The following FSHR variants were observed in gnomAD, a reference collection of about 807,000 sequenced individuals.
The protein encoded by FSHR is follicle stimulating hormone receptor.
In FSHR, 46 loss-of-function variants were observed where a neutral mutation model predicts 52.1. That is an observed-to-expected ratio of 0.88 (90% CI 0.70 to 1.13). FSHR has a LOEUF of 1.13. Ranked by LOEUF, FSHR falls within the 50% of genes most tolerant of loss-of-function variation. FSHR has a pLI of 0.00. For missense variants in FSHR, 964 were observed against 834.6 expected, an observed-to-expected ratio of 1.16 and a Z score of -1.91; for synonymous variants, 399 against 309.6, an observed-to-expected ratio of 1.29 and a Z score of -3.03.
intron 1 of FSHR, among the ~76,000 whole-genome samples, chr2:49,102,992 T>G (rs1431864794): frequency 6.6e-6 from 1 of 152,138 alleles, no homozygotes; most frequent in Admixed American, 6.6e-5. Flanking sequence ...ACTTTTTAGA[T>G]AGACATTTTT....
intron 1 of FSHR, among the ~76,000 whole-genome samples, chr2:49,136,193 C>T (rs1672482071): frequency 1.3e-5 from 2 of 152,136 alleles, no homozygotes; most frequent in Middle Eastern, 6.8e-3. Flanking sequence ...TATTACTACT[C>T]ACCTTAAAGA....
intron 3 of FSHR, among the ~76,000 whole-genome samples, chr2:49,017,951 GTGTT>G (rs1667548955): frequency 1.3e-5 from 2 of 151,988 alleles, no homozygotes; most frequent in African/African-American, 4.8e-5. Flanking sequence ...GGCGAAATGA[GTGTT>G]TGTCTGGTCG....
At chr2:49,144,956 C>G (rs977801627) in intron 1 of FSHR, among the ~76,000 whole-genome samples, 10 of 152,092 alleles carry the variant, frequency 6.6e-5, no homozygotes, top group African/African-American at 2.4e-4. Flanking sequence ...CCCCCTCATG[C>G]CAAAGCAAAA....
intron 4 of FSHR, among the ~76,000 whole-genome samples, chr2:49,008,151 A>G (rs1667134611): frequency 8.5e-6 from 1 of 118,006 alleles, no homozygotes; most frequent in African/African-American, 2.9e-5. Context: ...AGCATTAGGT[A>G]TATCTCCCAA....
At chr2:48,990,938 C>T (rs926248113) in intron 4 of FSHR, among the ~76,000 whole-genome samples, 10 of 151,634 alleles carry the variant, frequency 6.6e-5, no homozygotes, top group Non-Finnish European at 1.5e-4. Flanking sequence ...AAGCAACTTC[C>T]AACTAGTAAC....
intron 2 of FSHR, among the ~76,000 whole-genome samples, chr2:49,030,065 G>A (rs2104252155): frequency 6.6e-6 from 1 of 152,296 alleles, no homozygotes; most frequent in East Asian, 1.9e-4. Context: ...AGTAGCAGCA[G>A]GGTAGCCAGC....
At chr2:49,033,349 A>C (rs145682287) in intron 2 of FSHR, among the ~76,000 whole-genome samples, 1 of 152,304 alleles carries the variant, frequency 6.6e-6, no homozygotes, top group East Asian at 1.9e-4. Context: ...AACAGTTTAT[A>C]ACCTGCCAAG....
intron 2 of FSHR, among the ~76,000 whole-genome samples, chr2:49,060,474 G>T (rs1409061157): frequency 2.0e-5 from 3 of 152,132 alleles, no homozygotes; most frequent in African/African-American, 7.2e-5. Context: ...ACCAGCCAGG[G>T]TGGTCACACA....
intron 2 of FSHR, among the ~76,000 whole-genome samples, chr2:49,025,644 CT>C (rs1667890385): frequency 6.6e-6 from 1 of 152,100 alleles, no homozygotes; most frequent in Non-Finnish European, 1.5e-5. Context: ...GAGTCTGGGA[CT>C]AAATTCATCT....
chr2:49,142,972 A>T (rs1672744151), intron 1 of FSHR, among the ~76,000 whole-genome samples: 1 of 152,198 alleles, frequency 6.6e-6, no homozygotes, highest in South Asian at 2.1e-4. Context: ...TGGTTTTGAG[A>T]TGCTTGTAAA....
At chr2:49,009,278 T>C (rs1207757379) in intron 4 of FSHR, among the ~76,000 whole-genome samples, 2 of 150,856 alleles carry the variant, frequency 1.3e-5, no homozygotes, top group African/African-American at 2.4e-5. Flanking sequence ...ATTTATTAAA[T>C]AGGGAATCCT....
At chr2:49,014,353 G>A (rs1406619568) in intron 4 of FSHR, among the ~76,000 whole-genome samples, 1 of 152,044 alleles carries the variant, frequency 6.6e-6, no homozygotes. Context: ...ACTTGATACA[G>A]GACTGAGGAC....
At chr2:49,146,653 A>G (rs1011709121) in intron 1 of FSHR, among the ~76,000 whole-genome samples, 2 of 152,046 alleles carry the variant, frequency 1.3e-5, no homozygotes, top group African/African-American at 4.8e-5. Context: ...TCTGACGCCT[A>G]GAGAAAGCCT....
intron 4 of FSHR, among the ~76,000 whole-genome samples, chr2:49,015,361 A>C (rs1572635945): frequency 6.6e-6 from 1 of 152,214 alleles, no homozygotes; most frequent in East Asian, 1.9e-4. Context: ...AACTTACTAG[A>C]ATTTTCCTGA....
chr2:49,059,206 T>A (rs1158145407), intron 2 of FSHR, among the ~76,000 whole-genome samples: 1 of 151,262 alleles, frequency 6.6e-6, no homozygotes, highest in Non-Finnish European at 1.5e-5. Context: ...TCTCTAAAAA[T>A]TAAAAAAATA....
At chr2:49,003,106 G>C (rs919154965) in intron 4 of FSHR, among the ~76,000 whole-genome samples, 1 of 152,156 alleles carries the variant, frequency 6.6e-6, no homozygotes, top group African/African-American at 2.4e-5. Context: ...GGGTGAGCTC[G>C]TGATTAAACC....
At chr2:49,097,516 C>G (rs1330542819) in intron 1 of FSHR, among the ~76,000 whole-genome samples, 1 of 152,114 alleles carries the variant, frequency 6.6e-6, no homozygotes, top group Non-Finnish European at 1.5e-5. Context: ...CATAATTTAT[C>G]TTGGATGAAC....
chr2:49,020,109 G>A lies in FSHR; in HGVS notation c.276C>T (p.Ser92=), dbSNP rs147298183. The part of the protein sequence containing the change: ...VLEVIEADVF[S]NLPKLHEIRI... ...ACATTTCATGTAATTTGGGAAGGTT[G>A]GAGAACACATCTGCCTCTATCACCT... is the stretch of plus-strand genomic sequence containing the variant. The change falls in exon 3 of 10, where the codon TCC becomes TCT. Residue 92 remains serine, a synonymous_variant. Coordinates refer to ENST00000406846, the MANE Select transcript of FSHR (RefSeq NM_000145.4). 1.1e-5 allele frequency: 18 copies of A among 1,613,468 alleles called. No individual in the cohort carries two copies. Among genetic ancestry groups the A allele is most frequent in the African/African-American group, 4.0e-5 (3 of 74,870 alleles).
intron 2 of FSHR, among the ~76,000 whole-genome samples, chr2:49,060,324 T>C (rs1669239376): frequency 3.9e-5 from 6 of 152,108 alleles, no homozygotes; most frequent in Admixed American, 3.3e-4. Context: ...ATGATCCCAT[T>C]AGGTATTAGC....
Sources: gnomAD v4.1 joint callset for allele counts (sites outside exome capture counted in the v4.1 genomes callset) on GRCh38, gnomAD v4.1.1 for gene constraint, MANE v1.5 for transcripts, NCBI Gene and HGNC (gene_info 2026-07-23, HGNC 2026-07-21) for gene names.